Variants in COG5 observed in about 807,000 individuals in gnomAD.
The protein encoded by COG5 is conserved oligomeric Golgi complex subunit 5.
A neutral mutation model predicts 110.4 loss-of-function variants in COG5; 86 were observed. That is an observed-to-expected ratio of 0.78 (90% CI 0.65 to 0.93). COG5 has a LOEUF of 0.93. COG5 is among the 40% of genes least tolerant of loss of function. COG5 has a pLI of 0.00. For synonymous variants in COG5, 360 were observed against 334.6 expected (o/e 1.08, Z -0.83); for missense variants, 1,077 against 987.0 (o/e 1.09, Z -1.22).
intron 16 of COG5, among the ~76,000 whole-genome samples, chr7:107,253,456 G>T (rs1210568025): frequency 6.6e-6 from 1 of 152,050 alleles, no homozygotes. Flanking sequence ...CACACAAAAA[G>T]GGAGAAAGAA....
At chr7:107,453,835 C>T (rs150932457) in intron 6 of COG5, among the ~76,000 whole-genome samples, 1,749 of 152,106 alleles carry the variant, frequency 0.011, 32 homozygotes, top group African/African-American at 0.039. Context: ...TTTCCAAATC[C>T]AAGTGCAATG....
intron 8 of COG5, among the ~76,000 whole-genome samples, chr7:107,367,843 G>A (rs1813770089): frequency 1.3e-5 from 2 of 151,888 alleles, no homozygotes; most frequent in South Asian, 2.1e-4. Context: ...TACATGACTC[G>A]GGTGACCATC....
At chr7:107,281,443 C>A in intron 13 of COG5, 44 bp from the exon 14 acceptor site, 3 of 1,362,008 alleles carry the variant, frequency 2.2e-6, no homozygotes, top group South Asian at 1.2e-5. Flanking sequence ...CAACATCATT[C>A]ATCAACAAAG....
chr7:107,276,129 C>G (rs933724398), intron 14 of COG5, among the ~76,000 whole-genome samples: 4 of 152,146 alleles, frequency 2.6e-5, no homozygotes, highest in Admixed American at 2.0e-4. Context: ...TCCTTTCTCA[C>G]AGTTCATAAC....
chr7:107,485,247 T>C (rs1243263112), intron 6 of COG5, among the ~76,000 whole-genome samples: 2 of 152,194 alleles, frequency 1.3e-5, no homozygotes, highest in African/African-American at 4.8e-5. Context: ...TGAAATAAGC[T>C]AAAGAACTGA....
intron 6 of COG5, among the ~76,000 whole-genome samples, chr7:107,512,132 T>C (rs1799564405): frequency 6.6e-6 from 1 of 152,214 alleles, no homozygotes. Context: ...GACATGATTG[T>C]ATATCTAGAA....
rs190478166 is a variant in COG5 at position 107,396,221 on chromosome 7, C to G, written c.669+16281G>C. On this transcript the variant is annotated intron_variant, in intron 7 of 21. Coordinates refer to ENST00000297135, the MANE Select transcript of COG5 (RefSeq NM_006348.5). ...AGGAAAAGAGAATCACATTAAATAC[C>G]ATAATTTAAAAGCAAGAATTATATT... is the stretch of plus-strand genomic sequence containing the variant. Among the ~76,000 whole-genome samples, 7 of 152,120 alleles carry G rather than the reference C, an allele frequency of 4.6e-5. No individual in the cohort carries two copies. In the East Asian group the frequency reaches 1.4e-3, roughly 29 times the overall value.
intron 6 of COG5, among the ~76,000 whole-genome samples, chr7:107,440,124 A>AAGG (rs1161603461): frequency 6.6e-5 from 10 of 152,218 alleles, no homozygotes; most frequent in Non-Finnish European, 1.5e-4. Flanking sequence ...CACATCAGTA[A>AAGG]AGGGTACTGT....
At chr7:107,291,917 G>A (rs1234333750) in intron 12 of COG5, among the ~76,000 whole-genome samples, 1 of 152,132 alleles carries the variant, frequency 6.6e-6, no homozygotes, top group African/African-American at 2.4e-5. Context: ...ATACCCTTAG[G>A]TTTAAACTTC....
At chr7:107,472,830 A>G (rs1796718707) in intron 6 of COG5, 1 of 151,932 alleles carries the variant, frequency 6.6e-6, no homozygotes. Context: ...TTTATGTTGA[A>G]TATGATTTTG....
chr7:107,532,469 T>G (rs1388409875), intron 5 of COG5, among the ~76,000 whole-genome samples: 1 of 152,214 alleles, frequency 6.6e-6, no homozygotes, highest in Non-Finnish European at 1.5e-5. Context: ...AAATATTCAT[T>G]TGATTTATGC....
chr7:107,509,334 G>A (rs964314103), intron 6 of COG5, among the ~76,000 whole-genome samples: 4 of 152,046 alleles, frequency 2.6e-5, no homozygotes, highest in African/African-American at 7.2e-5. Flanking sequence ...AAGCGAGAAG[G>A]GAAGTTTAGA....
chr7:107,311,583 C>T (rs1208332660), intron 11 of COG5, among the ~76,000 whole-genome samples: 5 of 149,212 alleles, frequency 3.4e-5, no homozygotes, highest in South Asian at 2.1e-4. Flanking sequence ...TTAGTAGAGA[C>T]GGGGTTTCAC....
At chr7:107,280,287 T>C (rs531179554) in intron 14 of COG5, among the ~76,000 whole-genome samples, 8 of 152,168 alleles carry the variant, frequency 5.3e-5, no homozygotes, top group Admixed American at 2.0e-4. Context: ...ACAAGATCAA[T>C]TGAATGAAAA....
chr7:107,529,876 G>A (rs1047975118), intron 5 of COG5, among the ~76,000 whole-genome samples: 2 of 152,054 alleles, frequency 1.3e-5, no homozygotes, highest in Non-Finnish European at 2.9e-5. Context: ...GTACGGATTC[G>A]ACACCAGTAA....
chr7:107,415,902 G>A (rs1413565836), intron 6 of COG5, among the ~76,000 whole-genome samples: 1 of 71,300 alleles, frequency 1.4e-5, no homozygotes, highest in Non-Finnish European at 3.5e-5. Flanking sequence ...ACACATACAC[G>A]TATGTATGTA....
chr7:107,512,823 C>T (rs1292732397), intron 6 of COG5, among the ~76,000 whole-genome samples: 2 of 151,334 alleles, frequency 1.3e-5, no homozygotes, highest in African/African-American at 4.8e-5. Context: ...ATAAATGGTG[C>T]TGGGAAAACT....
rs78138519 is a variant in COG5, at chr7:107,458,467, A to G, written c.539-45835T>C. Reference sequence around the variant, plus strand: ...ATTGTATTAATAGTAAGGTTCTAACATTATACATGATGTGCTATTACTTCA... The same window carrying G: ...ATTGTATTAATAGTAAGGTTCTAACGTTATACATGATGTGCTATTACTTCA... On this transcript the variant is annotated intron_variant, in intron 6 of 21. Transcript: ENST00000297135. Among the ~76,000 whole-genome samples the G allele has an allele frequency of 4.6e-3, 701 of 152,360 alleles. 7 individuals are homozygous for G. The highest frequency in any genetic ancestry group is 0.015 in the African/African-American group (643 of 41,582).
chr7:107,412,520 C>A lies in COG5; in HGVS notation c.651G>T (p.Glu217Asp). The A allele has an allele frequency of 6.2e-7, 1 of 1,612,880 alleles. No homozygotes were observed. Among genetic ancestry groups the A allele is most frequent in the Non-Finnish European group, 8.5e-7 (1 of 1,179,618 alleles). The change falls in exon 7 of 22, where the codon GAG becomes GAT. Residue 217 changes from glutamate to aspartate, a missense_variant. Coordinates refer to ENST00000297135, the MANE Select transcript of COG5 (RefSeq NM_006348.5). ...TTATTACCTGAGTCTCCAAACCCTG[C>A]TCTAGTAGGCGCTTAGCTTGATTTT... ...EVENQAKRLL[E>D]QGLETQNPTQ... is the part of the protein sequence containing the mutation.
Sources: gnomAD v4.1 joint callset for allele counts (sites outside exome capture counted in the v4.1 genomes callset) on GRCh38, gnomAD v4.1.1 for gene constraint, MANE v1.5 for transcripts, NCBI Gene and HGNC (gene_info 2026-07-23, HGNC 2026-07-21) for gene names.